ADGRG7: variants seen among roughly 807,000 people sequenced by gnomAD.
ADGRG7 encodes the protein adhesion G protein-coupled receptor G7, also known as G-protein coupled receptor 128.
ADGRG7 carries 82 observed loss-of-function variants against 88.6 expected under a neutral mutation model. That is an observed-to-expected ratio of 0.93 (90% confidence interval 0.77 to 1.11). The LOEUF is 1.11. Ranked by LOEUF, ADGRG7 falls within the 50% of genes most tolerant of loss-of-function variation. The pLI is 0.00. For missense variants in ADGRG7, 945 were observed against 953.4 expected (o/e 0.99, Z 0.12); for synonymous variants, 381 against 345.2 (o/e 1.10, Z -1.15).
chr3:100,645,884 T>G, intron 8 of ADGRG7, 61 bp from the exon 9 acceptor site: 4 of 1,415,954 alleles, frequency 2.8e-6, no homozygotes, highest in Non-Finnish European at 3.9e-6. Context: ...TAACGTGACA[T>G]ATTGTTTTTT....
At chr3:100,635,853 A>T (rs766853991) in intron 5 of ADGRG7, 27 bp downstream of exon 5, 37 of 1,539,332 alleles carry the variant, frequency 2.4e-5, no homozygotes, top group African/African-American at 2.0e-4. Flanking sequence ...TTTAAAAAAA[A>T]TTTTTTTTTT....
At chr3:100,630,850 A>C in intron 3 of ADGRG7, 41 bp downstream of exon 3, 10 of 1,114,044 alleles carry the variant, frequency 9.0e-6, no homozygotes, top group South Asian at 1.9e-5. Context: ...CATAAGAATT[A>C]CTATGCTGAG....
At chr3:100,626,677 C>T (rs1399955587) in intron 1 of ADGRG7, among the ~76,000 whole-genome samples, 14 of 152,026 alleles carry the variant, frequency 9.2e-5, no homozygotes, top group East Asian at 3.9e-4. Flanking sequence ...CCCAGCTACT[C>T]GGGAGGCTGA....
At chr3:100,692,698 G>A (rs1234154636) in intron 15 of ADGRG7, among the ~76,000 whole-genome samples, 1 of 152,060 alleles carries the variant, frequency 6.6e-6, no homozygotes, top group Non-Finnish European at 1.5e-5. Context: ...TGTGGGTGAG[G>A]TATGCAAAAT....
intron 15 of ADGRG7, among the ~76,000 whole-genome samples, chr3:100,669,556 A>T (rs1457999956): frequency 6.7e-6 from 1 of 149,832 alleles, no homozygotes; most frequent in Non-Finnish European, 1.5e-5. Flanking sequence ...AAAAAAAAAA[A>T]AAAAAATCTA....
Position 100,629,718 on chromosome 3 carries a change from T to C in ADGRG7, c.229+7T>C. On this transcript the variant is annotated splice_region_variant and intron_variant, in intron 2 of 15. Coordinates refer to ENST00000273352, the MANE Select transcript of ADGRG7 (RefSeq NM_032787.3). ...GGACTGAGATGTACAATTGGTAAATTACTTGGGATAATGCTAAAGTGTAAG... is the reference window on the plus strand; with the variant it reads ...GGACTGAGATGTACAATTGGTAAATCACTTGGGATAATGCTAAAGTGTAAG... The C allele has an allele frequency of 2.6e-6, 4 of 1,555,848 alleles. No individual in the cohort carries two copies. The highest frequency in any genetic ancestry group is 3.5e-6 in the Non-Finnish European group (4 of 1,127,270).
intron 1 of ADGRG7, among the ~76,000 whole-genome samples, chr3:100,620,918 G>C (rs1169510933): frequency 6.6e-6 from 1 of 151,454 alleles, no homozygotes; most frequent in Non-Finnish European, 1.5e-5. Context: ...ACATGTGCTC[G>C]CTTCATGTCT....
In ADGRG7 at chr3:100,629,461, A is replaced by G. The variant is rs1559672784; in HGVS notation, c.116-137A>G. 5 of 594,482 alleles carry G rather than the reference A, an allele frequency of 8.4e-6. No individual in the cohort carries two copies. In the East Asian group the frequency reaches 1.2e-4, roughly 14 times the overall value. 36.8% of individuals were successfully genotyped at this position (594,482 alleles called of 1,614,324 possible). A position where few individuals can be genotyped will look rare whatever the true frequency, so the allele number is the denominator to read the frequency against. On this transcript the variant is annotated intron_variant, in intron 1 of 15. Transcript: ENST00000273352. ...ATTCTCAGTGTATATTTTATTAATGATGATATTACAAAGAATATTTCTCAG... is the reference window on the plus strand; with the variant it reads ...ATTCTCAGTGTATATTTTATTAATGGTGATATTACAAAGAATATTTCTCAG...
intron 10 of ADGRG7, 29 bp downstream of exon 10, chr3:100,646,753 A>G: frequency 1.3e-6 from 2 of 1,588,142 alleles, no homozygotes; most frequent in South Asian, 1.1e-5. Flanking sequence ...ATCTCTTTCC[A>G]GATGAGAATT....
chr3:100,659,519 T>A (rs2094942330), intron 13 of ADGRG7, among the ~76,000 whole-genome samples, 169 bp from the exon 14 acceptor site: 1 of 149,628 alleles, frequency 6.7e-6, no homozygotes, highest in African/African-American at 2.5e-5. Context: ...ACTTTTCTAG[T>A]GGGTAGAATT....
intron 8 of ADGRG7, 25 bp downstream of exon 8, chr3:100,643,658 T>TA: frequency 1.4e-6 from 2 of 1,476,310 alleles, no homozygotes; most frequent in Non-Finnish European, 9.4e-7. Context: ...TTGTGACATT[T>TA]AAAAAAATGG....
chr3:100,690,347 A>G (rs1016563263), intron 15 of ADGRG7, among the ~76,000 whole-genome samples: 1 of 151,738 alleles, frequency 6.6e-6, no homozygotes, highest in Non-Finnish European at 1.5e-5. Flanking sequence ...GAGTAGTTTG[A>G]TCTTCTGAAG....
chr3:100,623,524 T>C (rs1249055450), intron 1 of ADGRG7, among the ~76,000 whole-genome samples: 4 of 152,168 alleles, frequency 2.6e-5, no homozygotes, highest in African/African-American at 9.7e-5. Context: ...CTGTTCTTTT[T>C]TCCAATTTTT....
rs2095000226 is a variant in ADGRG7, at chr3:100,695,117, T to C, written c.*116T>C. 9.2e-7 allele frequency: 1 copy of C among 1,083,828 alleles called. No homozygotes were observed. The highest frequency in any genetic ancestry group is 1.6e-5 in the South Asian group (1 of 63,012). The allele number at this position is 1,083,828 out of a possible 1,614,324, so 67.1% of individuals were successfully genotyped here. ...CTTCCTCAATGTATTTTGCTCAGGA[T>C]TAAGAATTAGATAAAACCTGTTGTT... On this transcript the variant is annotated 3_prime_UTR_variant, in exon 16 of 16. Coordinates refer to ENST00000273352, the MANE Select transcript of ADGRG7 (RefSeq NM_032787.3).
chr3:100,689,997 C>A (rs2094990344), intron 15 of ADGRG7, among the ~76,000 whole-genome samples: 2 of 152,210 alleles, frequency 1.3e-5, no homozygotes, highest in Admixed American at 1.3e-4. Flanking sequence ...TTCTCCCCGT[C>A]ACTTTCAGGT....
At chr3:100,688,292 G>C (rs1363708917) in intron 15 of ADGRG7, among the ~76,000 whole-genome samples, 1 of 151,942 alleles carries the variant, frequency 6.6e-6, no homozygotes, top group East Asian at 1.9e-4. Flanking sequence ...TCTTGCTAGT[G>C]GTCTATCAAT....
At position 100,669,084 on chromosome 3, in the gene ADGRG7, C is replaced by A; in HGVS notation, c.2115C>A (p.Phe705Leu). 6.3e-7 allele frequency: 1 copy of A among 1,591,936 alleles called. No individual in the cohort carries two copies. Among genetic ancestry groups the A allele is most frequent in the South Asian group, 1.2e-5 (1 of 84,938 alleles). Residue 705 changes from phenylalanine (F) to leucine (L), a missense_variant, in exon 15 of 16, where the codon TTC (phenylalanine) becomes TTA (leucine). Physicochemically the swap from Phe to Leu is conservative, Grantham distance 22. Coordinates refer to ENST00000273352, the MANE Select transcript of ADGRG7 (RefSeq NM_032787.3). Reference sequence around the variant, plus strand: ...TCAGGATCGTCTTCAGCTACATATTCTGCCTTTTCAACACTACACAGGTAT... The same window carrying A: ...TCAGGATCGTCTTCAGCTACATATTATGCCTTTTCAACACTACACAGGTAT... ...DSIRIVFSYI[F>L]CLFNTTQGLQ...
chr3:100,657,079 G>A (rs1033574767), intron 13 of ADGRG7, among the ~76,000 whole-genome samples: 1 of 152,176 alleles, frequency 6.6e-6, no homozygotes, highest in Non-Finnish European at 1.5e-5. Flanking sequence ...ACTGACTTCA[G>A]TTTATTCACA....
Position 100,643,538 on chromosome 3 carries a change from C to T in ADGRG7, c.851C>T (p.Ser284Phe), listed in dbSNP as rs1250437049. 3 of 1,613,214 alleles carry T rather than the reference C, an allele frequency of 1.9e-6. No individual in the cohort carries two copies. The highest frequency in any genetic ancestry group is 2.2e-5 in the South Asian group (2 of 90,836). ...TCCCTTCTCATAGGAGCTAGCAGTTCTCTAGTTTCTAGTTCAACATTTATA... is the reference window on the plus strand; with the variant it reads ...TCCCTTCTCATAGGAGCTAGCAGTTTTCTAGTTTCTAGTTCAACATTTATA... ...RFSVQKGASS[S>F]LVSSSTFIHT... Residue 284 changes from serine (S) to phenylalanine (F), a missense_variant, in exon 8 of 16, where the codon TCT becomes TTT. Physicochemically the swap from Ser to Phe is radical, Grantham distance 155. Coordinates refer to ENST00000273352, the MANE Select transcript of ADGRG7 (RefSeq NM_032787.3).
Sources: gnomAD v4.1 joint callset for allele counts (sites outside exome capture counted in the v4.1 genomes callset) on GRCh38, gnomAD v4.1.1 for gene constraint, MANE v1.5 for transcripts, NCBI Gene and HGNC (gene_info 2026-07-23, HGNC 2026-07-21) for gene names.